IMPA2: variants seen among roughly 807,000 people sequenced by gnomAD.
IMPA2 encodes IMP 2.
In IMPA2, 32 loss-of-function variants were observed where a neutral mutation model predicts 35.1. That is an observed-to-expected ratio of 0.91 (90% CI 0.69 to 1.23). IMPA2 has a LOEUF of 1.23. IMPA2 is among the 50% of genes most tolerant of loss of function. IMPA2 has a pLI of 0.00. For missense variants in IMPA2, 334 were observed against 387.6 expected (o/e 0.86, Z 1.16); for synonymous variants, 135 against 160.6 (o/e 0.84, Z 1.20).
intron 1 of IMPA2, 68 bp from the exon 2 acceptor site, chr18:11,998,986 T>G (rs1598689377): frequency 9.9e-7 from 1 of 1,005,134 alleles, no homozygotes; most frequent in Non-Finnish European, 1.3e-6. Flanking sequence ...CTCGAAGGAG[T>G]GGATAATTCC....
intron 3 of IMPA2, among the ~76,000 whole-genome samples, chr18:12,011,558 C>T (rs1598698035): frequency 2.6e-5 from 4 of 152,226 alleles, no homozygotes; most frequent in South Asian, 4.1e-4. Context: ...CCCAGCCTTT[C>T]CTGCCTGTTT....
intron 1 of IMPA2, among the ~76,000 whole-genome samples, chr18:11,988,044 C>T (rs1465510693): frequency 4.4e-5 from 5 of 113,136 alleles, no homozygotes; most frequent in Middle Eastern, 0.01. Flanking sequence ...CTTGCTCTGT[C>T]GCCCAGGCTG....
chr18:12,029,547 G>A (rs1181481285), intron 7 of IMPA2, among the ~76,000 whole-genome samples: 9 of 151,884 alleles, frequency 5.9e-5, no homozygotes, highest in African/African-American at 2.2e-4. Context: ...TTGGCCTCCC[G>A]AATAGCTGGG....
intron 2 of IMPA2, among the ~76,000 whole-genome samples, chr18:12,008,927 A>G (rs538420712): frequency 4.6e-4 from 70 of 152,280 alleles, no homozygotes; most frequent in African/African-American, 1.7e-3. Flanking sequence ...TGCAGAGTGC[A>G]GGAGCAGGCC....
Position 12,010,017 on chromosome 18 carries a change from A to G in IMPA2, c.335+30A>G. The G allele has an allele frequency of 6.6e-7, 1 of 1,509,622 alleles. No homozygotes were observed. Among genetic ancestry groups the G allele is most frequent in the Non-Finnish European group, 9.2e-7 (1 of 1,086,846 alleles). The allele number at this position is 1,509,622 out of a possible 1,614,324, so 93.5% of individuals were successfully genotyped here. A position where few individuals can be genotyped will look rare whatever the true frequency, so the allele number is the denominator to read the frequency against. ...GCTGAGCAGGGATCGCCTCCATTGCAGGGCTTAACATGTCCTCTTCTGTGA... is the reference window on the plus strand; with the variant it reads ...GCTGAGCAGGGATCGCCTCCATTGCGGGGCTTAACATGTCCTCTTCTGTGA... On this transcript the variant is annotated intron_variant, in intron 3 of 7. Transcript: ENST00000269159. The surrounding 1 kb of genome is among the most constrained non-coding windows in gnomAD (Gnocchi z 4.8).
chr18:11,989,290 G>A (rs901045687), intron 1 of IMPA2, among the ~76,000 whole-genome samples: 2 of 152,208 alleles, frequency 1.3e-5, no homozygotes, highest in South Asian at 2.1e-4. Flanking sequence ...TGGGCTGAGC[G>A]CACCTGTCGC....
intron 5 of IMPA2, chr18:12,017,700 T>G: frequency 2.6e-6 from 1 of 384,910 alleles, no homozygotes; most frequent in Non-Finnish European, 5.1e-6. Context: ...GCAATTCTCC[T>G]GCCTCATCCT....
intron 5 of IMPA2, among the ~76,000 whole-genome samples, chr18:12,014,748 T>C (rs1012136386): frequency 1.3e-5 from 2 of 152,188 alleles, no homozygotes; most frequent in African/African-American, 4.8e-5. Flanking sequence ...CAGGCACTGC[T>C]GCCCAGGTGC....
rs563194384 is a variant in IMPA2 at position 12,000,866 on chromosome 18, C to T, written c.230+1679C>T. On this transcript the variant is annotated intron_variant, in intron 2 of 7. Coordinates refer to ENST00000269159, the MANE Select transcript of IMPA2 (RefSeq NM_014214.3). ...TCCTGACCTCATGATCCGCCCGCCT[C>T]GGCCTCCCAAAGTGCTGGGATTACA... Among the ~76,000 whole-genome samples, 8 of 151,432 alleles carry T rather than the reference C, an allele frequency of 5.3e-5. No individual in the cohort carries two copies. The East Asian group carries it at 1.4e-3, about 26-fold the overall frequency.
At chr18:12,027,748 A>ATT (rs74911212) in intron 5 of IMPA2, among the ~76,000 whole-genome samples, 10 of 136,450 alleles carry the variant, frequency 7.3e-5, no homozygotes, top group Admixed American at 1.5e-4. Flanking sequence ...GCTACTTTTA[A>ATT]TTTTTTTTTT....
chr18:12,010,020 G>A lies in IMPA2; in HGVS notation c.335+33G>A. ...GAGCAGGGATCGCCTCCATTGCAGG[G>A]CTTAACATGTCCTCTTCTGTGAGGT... On this transcript the variant is annotated intron_variant, in intron 3 of 7. Transcript: ENST00000269159. This position sits in a 1 kb window ranked among gnomAD's most constrained non-coding sequence, Gnocchi z 4.8. 3 of 1,486,926 alleles carry A rather than the reference G, an allele frequency of 2.0e-6. No homozygotes were observed. The highest frequency in any genetic ancestry group is 2.8e-6 in the Non-Finnish European group (3 of 1,066,610). 92.1% of individuals were successfully genotyped at this position (1,486,926 alleles called of 1,614,324 possible).
In IMPA2 at chr18:11,991,568, C is replaced by T. The variant is rs184113791; in HGVS notation, c.97-7486C>T. The stretch of plus-strand genomic sequence containing the variant: ...ATCAGGTTCTTCAGAGAAACAGGAC[C>T]GGCAGGAGGTGGGTGGGTCCAGTCT... On this transcript the variant is annotated intron_variant, in intron 1 of 7. Coordinates refer to ENST00000269159, the MANE Select transcript of IMPA2 (RefSeq NM_014214.3). This position sits in a 1 kb window ranked among gnomAD's most constrained non-coding sequence, Gnocchi z 4.1. 3.0e-4 allele frequency among the ~76,000 whole-genome samples: 45 copies of T among 152,016 alleles called. No individual in the cohort carries two copies. The East Asian group carries it at 7.8e-3, about 26-fold the overall frequency.
At chr18:11,985,436 C>T (rs1181687506) in intron 1 of IMPA2, among the ~76,000 whole-genome samples, 1 of 152,090 alleles carries the variant, frequency 6.6e-6, no homozygotes, top group Non-Finnish European at 1.5e-5. Flanking sequence ...TTTCCTGTTG[C>T]TTGGCTTATT....
intron 1 of IMPA2, among the ~76,000 whole-genome samples, chr18:11,982,898 G>T (rs549186124): frequency 2.0e-5 from 3 of 151,998 alleles, no homozygotes; most frequent in African/African-American, 7.3e-5. Flanking sequence ...CTTTTTTGAG[G>T]TCTGACAGTC....
intron 5 of IMPA2, among the ~76,000 whole-genome samples, chr18:12,027,177 G>A (rs778192031): frequency 2.0e-5 from 3 of 152,168 alleles, no homozygotes; most frequent in Non-Finnish European, 4.4e-5. Flanking sequence ...GAGGCCTGAC[G>A]GGACATGACC....
At chr18:12,007,208 C>T (rs895603159) in intron 2 of IMPA2, among the ~76,000 whole-genome samples, 2 of 147,478 alleles carry the variant, frequency 1.4e-5, no homozygotes, top group African/African-American at 5.0e-5. Flanking sequence ...GCACTGCCAG[C>T]GGCTCTGTCT....
chr18:12,012,114 T>C, intron 3 of IMPA2, 56 bp from the exon 4 acceptor site: 1 of 1,553,506 alleles, frequency 6.4e-7, no homozygotes, highest in Non-Finnish European at 8.9e-7. Flanking sequence ...GCACACAGGC[T>C]CCCGAGAGCT....
chr18:12,019,410 T>C (rs991707445), intron 5 of IMPA2, among the ~76,000 whole-genome samples: 4 of 151,184 alleles, frequency 2.6e-5, no homozygotes, highest in African/African-American at 9.7e-5. Context: ...ACGCACCCCA[T>C]GTCCGGCTAA....
At chr18:12,021,613 C>T (rs941058581) in intron 5 of IMPA2, 7 of 152,212 alleles carry the variant, frequency 4.6e-5, no homozygotes, top group Non-Finnish European at 8.8e-5. Flanking sequence ...TGCTCCTGGG[C>T]TCAAGTGATT....
Sources: allele counts gnomAD v4.1 joint callset (sites outside exome capture counted in the v4.1 genomes callset), GRCh38; gene constraint gnomAD v4.1.1; non-coding constraint Gnocchi (gnomAD v3.1); transcripts MANE v1.5; gene names NCBI Gene and HGNC (gene_info 2026-07-23, HGNC 2026-07-21).